Variants in COG6 observed in about 807,000 individuals in gnomAD.
COG6 encodes conserved oligomeric Golgi complex subunit 6.
Under a neutral mutation model 88.8 loss-of-function variants are expected in COG6, and 74 were observed. That is an observed-to-expected ratio of 0.83 (90% CI 0.69 to 1.01). The LOEUF (loss-of-function observed/expected upper bound fraction) is 1.01. Ranked by LOEUF, COG6 falls within the 50% of genes least tolerant of loss-of-function variation. The pLI, the probability that COG6 is intolerant of heterozygous loss-of-function variation, is 0.00. For missense variants in COG6, 800 were observed against 797.9 expected (o/e 1.00, Z -0.03); for synonymous variants, 286 against 278.7 (o/e 1.03, Z -0.26).
At chr13:39,717,789 C>T (rs891281477) in intron 13 of COG6, among the ~76,000 whole-genome samples, 6 of 152,002 alleles carry the variant, frequency 3.9e-5, no homozygotes, top group Non-Finnish European at 5.9e-5. Flanking sequence ...GATGATCACT[C>T]GAGCATGCAG....
In COG6 at chr13:39,727,653, A is replaced by G. The variant is rs1045964365; in HGVS notation, c.1826+105A>G. 13 of 872,016 alleles carry G rather than the reference A, an allele frequency of 1.5e-5. No homozygotes were observed. In the African/African-American group the frequency reaches 1.8e-4, roughly 12 times the overall value. The allele number at this position is 872,016 out of a possible 1,614,324, so 54.0% of individuals were successfully genotyped here. On this transcript the variant is annotated intron_variant, in intron 18 of 18. Transcript: ENST00000455146. ...TATTTTCAAGAATAAATGATTTACCATTGAAAATCTATAGTTCTCAACCTT... is the reference window on the plus strand; with the variant it reads ...TATTTTCAAGAATAAATGATTTACCGTTGAAAATCTATAGTTCTCAACCTT...
chr13:39,733,014 G>T (rs1220062490), intron 18 of COG6, among the ~76,000 whole-genome samples: 17 of 151,742 alleles, frequency 1.1e-4, no homozygotes. Context: ...GAACACAGTA[G>T]AATATCATCA....
chr13:39,775,425 A>G lies in COG6; in HGVS notation c.1827-12910A>G, dbSNP rs556950035. 4.6e-5 allele frequency among the ~76,000 whole-genome samples: 7 copies of G among 152,204 alleles called. No homozygotes were observed. In the East Asian group the frequency reaches 1.4e-3, roughly 29 times the overall value. ...TACAACAGCTCAGTTTTCTCCACAC[A>G]CTCTACCCACTTGGTATAATGGGAA... On this transcript the variant is annotated intron_variant, in intron 18 of 18. Transcript: ENST00000416691.
intron 18 of COG6, among the ~76,000 whole-genome samples, chr13:39,785,749 C>T (rs1017526330): frequency 1.3e-5 from 2 of 152,170 alleles, no homozygotes; most frequent in Non-Finnish European, 2.9e-5. Flanking sequence ...GAAGATTACA[C>T]CTCATACAAC....
chr13:39,773,616 A>G (rs562565526), intron 18 of COG6, among the ~76,000 whole-genome samples: 65 of 152,346 alleles, frequency 4.3e-4, no homozygotes, highest in African/African-American at 1.5e-3. Context: ...TAGAGAGAAT[A>G]ATCACTGGAA....
rs1021564991 is a variant in COG6, at chr13:39,686,895, A to AT, written c.789-596dup. Among the ~76,000 whole-genome samples, 171 of 143,484 alleles carry AT rather than the reference A, an allele frequency of 1.2e-3. 1 individual carries two copies. Among genetic ancestry groups the AT allele is most frequent in the African/African-American group, 3.1e-3 (123 of 39,174 alleles). 94.1% of individuals were successfully genotyped at this position (143,484 alleles called of 152,430 possible). ...TAGGCATGCACCACCATGCCTGGCT[A>AT]TTTTTTTTTTTTAATAATGAGAAAG... On this transcript the variant is annotated intron_variant, in intron 8 of 18. Coordinates refer to ENST00000455146, the MANE Select transcript of COG6 (RefSeq NM_020751.3).
chr13:39,786,315 G>A (rs1019729171), intron 18 of COG6, among the ~76,000 whole-genome samples: 2 of 152,172 alleles, frequency 1.3e-5, no homozygotes, highest in African/African-American at 2.4e-5. Context: ...GAATGGGGAG[G>A]CAGATAAAGA....
intron 18 of COG6, among the ~76,000 whole-genome samples, chr13:39,729,548 A>C (rs1288949808): frequency 6.6e-6 from 1 of 152,214 alleles, no homozygotes; most frequent in African/African-American, 2.4e-5. Context: ...AGATCCTATA[A>C]ATTCATACAA....
chr13:39,751,327 G>C lies in COG6; in HGVS notation c.*234G>C. The C allele has an allele frequency of 6.8e-7, 1 of 1,465,754 alleles. No individual in the cohort carries two copies. Among genetic ancestry groups the C allele is most frequent in the East Asian group, 2.8e-5 (1 of 35,096 alleles). 90.8% of individuals were successfully genotyped at this position (1,465,754 alleles called of 1,614,324 possible). A position where few individuals can be genotyped will look rare whatever the true frequency, so the allele number is the denominator to read the frequency against. On this transcript the variant is annotated 3_prime_UTR_variant, in exon 19 of 19. Coordinates refer to ENST00000455146, the MANE Select transcript of COG6 (RefSeq NM_020751.3). Reference sequence around the variant, plus strand: ...TCTAAATGAGATGATCTATTTTTTTGCTAGCCATCTCTCCAGCTCTGCAGT... The same window carrying C: ...TCTAAATGAGATGATCTATTTTTTTCCTAGCCATCTCTCCAGCTCTGCAGT...
At chr13:39,724,039 A>G (rs550433903) in intron 16 of COG6, among the ~76,000 whole-genome samples, 1 of 152,192 alleles carries the variant, frequency 6.6e-6, no homozygotes, top group Non-Finnish European at 1.5e-5. Flanking sequence ...TTCAAACAGC[A>G]TTAACATGAA....
chr13:39,770,865 A>G (rs1355275291), intron 18 of COG6, among the ~76,000 whole-genome samples: 1 of 152,166 alleles, frequency 6.6e-6, no homozygotes, highest in Non-Finnish European at 1.5e-5. Context: ...GCGTGTAGTT[A>G]CCGCACTCTT....
chr13:39,702,463 A>G (rs1246895145), intron 13 of COG6, among the ~76,000 whole-genome samples: 1 of 152,080 alleles, frequency 6.6e-6, no homozygotes, highest in African/African-American at 2.4e-5. Context: ...TTTCAGTGTT[A>G]GGAAATATAC....
In COG6 at chr13:39,699,619, G is replaced by A. The variant is rs1302123906; in HGVS notation, c.1284+1G>A. The A allele has an allele frequency of 2.4e-6, 3 of 1,255,242 alleles. No individual in the cohort carries two copies. Among genetic ancestry groups the A allele is most frequent in the Admixed American group, 1.7e-5 (1 of 59,126 alleles). 77.8% of individuals were successfully genotyped at this position (1,255,242 alleles called of 1,614,324 possible). A position where few individuals can be genotyped will look rare whatever the true frequency, so the allele number is the denominator to read the frequency against. On this transcript the variant is annotated splice_donor_variant, in intron 13 of 18. Coordinates refer to ENST00000455146, the MANE Select transcript of COG6 (RefSeq NM_020751.3). LOFTEE classifies it high-confidence loss of function. ...TCATGCAAGTAAATTAATGGACAAGGTATGTTTGAAAAATGTAATTATTAA... is the reference window on the plus strand; with the variant it reads ...TCATGCAAGTAAATTAATGGACAAGATATGTTTGAAAAATGTAATTATTAA...
intron 3 of COG6, among the ~76,000 whole-genome samples, chr13:39,664,864 G>C (rs1168025886): frequency 6.6e-6 from 1 of 152,046 alleles, no homozygotes; most frequent in African/African-American, 2.4e-5. Flanking sequence ...GTCAGTATCT[G>C]GATACCTTTT....
Position 39,751,776 on chromosome 13 carries a change from G to A in COG6, c.*683G>A, listed in dbSNP as rs550150966. 1 of 1,286,602 alleles carries A rather than the reference G, an allele frequency of 7.8e-7. No individual in the cohort carries two copies. The highest frequency in any genetic ancestry group is 1.0e-6 in the Non-Finnish European group (1 of 988,170). The allele number at this position is 1,286,602 out of a possible 1,614,324, so 79.7% of individuals were successfully genotyped here. On this transcript the variant is annotated 3_prime_UTR_variant, in exon 19 of 19. Transcript: ENST00000455146. ...GGAGAGAGAAAAGTGATTTAAACAG[G>A]GTGGATTCCACTCTGTGGGAGCCTT...
At chr13:39,748,251 T>C (rs567068218) in intron 18 of COG6, among the ~76,000 whole-genome samples, 66 of 152,328 alleles carry the variant, frequency 4.3e-4, no homozygotes, top group African/African-American at 1.5e-3. Flanking sequence ...AAAATAATTT[T>C]TGCATTATTT....
intron 18 of COG6, among the ~76,000 whole-genome samples, chr13:39,750,689 T>C (rs1880574699): frequency 6.6e-6 from 1 of 152,172 alleles, no homozygotes; most frequent in African/African-American, 2.4e-5. Flanking sequence ...GTCCAATATA[T>C]ATCAGGAACA....
intron 18 of COG6, among the ~76,000 whole-genome samples, chr13:39,731,698 G>A (rs935957698): frequency 6.6e-6 from 1 of 152,108 alleles, no homozygotes; most frequent in African/African-American, 2.4e-5. Context: ...TAGAAATAAA[G>A]CATGTACCTA....
At chr13:39,678,865 T>C (rs1452962974) in intron 5 of COG6, among the ~76,000 whole-genome samples, 1 of 152,136 alleles carries the variant, frequency 6.6e-6, no homozygotes, top group Non-Finnish European at 1.5e-5. Flanking sequence ...TTTGCACATA[T>C]GAAATATTTG....
Sources: gnomAD v4.1 joint callset for allele counts (sites outside exome capture counted in the v4.1 genomes callset) on GRCh38, gnomAD v4.1.1 for gene constraint, MANE v1.5 for transcripts, NCBI Gene and HGNC (gene_info 2026-07-23, HGNC 2026-07-21) for gene names.